Variants in SMOC2 observed in about 807,000 individuals in gnomAD.
SMOC2 encodes the protein SPARC related modular calcium binding 2.
SMOC2 carries 39 observed loss-of-function variants against 61.4 expected under a neutral mutation model. The ratio of observed to expected loss-of-function variants is 0.64; its 90% CI spans 0.49 to 0.83. The LOEUF (loss-of-function observed/expected upper bound fraction) is 0.83. Ranked by LOEUF, SMOC2 falls within the 40% of genes least tolerant of loss-of-function variation. The pLI is 0.00. For synonymous variants in SMOC2, 247 were observed against 239.9 expected, an observed-to-expected ratio of 1.03 and a Z score of -0.27; for missense variants, 556 against 592.9, an observed-to-expected ratio of 0.94 and a Z score of 0.65.
intron 9 of SMOC2, among the ~76,000 whole-genome samples, chr6:168,646,494 G>A (rs552945984): frequency 7.5e-4 from 114 of 152,280 alleles, no homozygotes; most frequent in African/African-American, 2.5e-3. Context: ...GTATTTAAAA[G>A]ACAAAGAGAA....
chr6:168,579,667 A>G (rs542137273), intron 7 of SMOC2, among the ~76,000 whole-genome samples: 1 of 152,204 alleles, frequency 6.6e-6, no homozygotes, highest in East Asian at 1.9e-4. Flanking sequence ...GAACTTCATG[A>G]GTAGCAACCA....
At chr6:168,621,238 T>G (rs1438402011) in intron 9 of SMOC2, among the ~76,000 whole-genome samples, 3 of 152,214 alleles carry the variant, frequency 2.0e-5, no homozygotes, top group African/African-American at 7.2e-5. Context: ...ACTTTAGTGT[T>G]TTGAGTTTCT....
intron 1 of SMOC2, among the ~76,000 whole-genome samples, chr6:168,504,071 C>T (rs1013728507): frequency 1.3e-5 from 2 of 152,078 alleles, no homozygotes; most frequent in African/African-American, 4.8e-5. Flanking sequence ...CAGTGGCATC[C>T]TTTCCGATTT....
intron 9 of SMOC2, among the ~76,000 whole-genome samples, chr6:168,621,786 C>A (rs1223557441): frequency 6.6e-6 from 1 of 152,154 alleles, no homozygotes; most frequent in Non-Finnish European, 1.5e-5. Context: ...GGTCCAGTCA[C>A]CTCCACCTGG....
chr6:168,488,911 T>G (rs888269542), intron 1 of SMOC2, among the ~76,000 whole-genome samples: 7 of 138,124 alleles, frequency 5.1e-5, no homozygotes, highest in African/African-American at 1.3e-4. Context: ...TGTTTTAGAA[T>G]GAAATATATC....
At chr6:168,524,085 C>T (rs887940846) in intron 2 of SMOC2, among the ~76,000 whole-genome samples, 27 of 152,022 alleles carry the variant, frequency 1.8e-4, no homozygotes, top group African/African-American at 5.6e-4. Flanking sequence ...ATTGAGAACA[C>T]ACGGGGGCCA....
intron 11 of SMOC2, among the ~76,000 whole-genome samples, chr6:168,662,091 A>G (rs1787522996): frequency 6.6e-6 from 1 of 152,242 alleles, no homozygotes; most frequent in African/African-American, 2.4e-5. Flanking sequence ...GTGGATAGAA[A>G]TCAACAGTTA....
intron 2 of SMOC2, among the ~76,000 whole-genome samples, chr6:168,519,771 T>A (rs1222238669): frequency 6.6e-6 from 1 of 152,148 alleles, no homozygotes; most frequent in Non-Finnish European, 1.5e-5. Flanking sequence ...TCCATTTCGA[T>A]CTGTTGCAAA....
chr6:168,664,709 G>A, intron 12 of SMOC2: 1 of 470,954 alleles, frequency 2.1e-6, no homozygotes, highest in Non-Finnish European at 4.4e-6. Context: ...TGTGTTTCTG[G>A]CTCTCCCTCT....
chr6:168,645,840 G>T lies in SMOC2; in HGVS notation c.908-4841G>T, dbSNP rs76387531. On this transcript the variant is annotated intron_variant, in intron 9 of 12. Transcript: ENST00000356284. ...TCAGGCCAGCAAAGGCATTCCCGGG[G>T]TCCCTGGCTGGCGAATTGGAGCACA... Among the ~76,000 whole-genome samples the T allele has an allele frequency of 7.0e-4, 106 of 152,296 alleles. 1 individual carries two copies. The East Asian group carries it at 0.02, about 29-fold the overall frequency.
chr6:168,486,738 T>C (rs766017460), intron 1 of SMOC2, among the ~76,000 whole-genome samples: 2 of 151,908 alleles, frequency 1.3e-5, no homozygotes, highest in Non-Finnish European at 2.9e-5. Flanking sequence ...CATTCTATTG[T>C]GGTTCAACGG....
chr6:168,602,940 G>T (rs897052006), intron 8 of SMOC2, among the ~76,000 whole-genome samples: 10 of 152,108 alleles, frequency 6.6e-5, no homozygotes, highest in Non-Finnish European at 1.5e-4. Flanking sequence ...ACAGGGTTTG[G>T]CTGTGTCCCC....
At chr6:168,575,800 C>T (rs895886533) in intron 7 of SMOC2, among the ~76,000 whole-genome samples, 1 of 152,250 alleles carries the variant, frequency 6.6e-6, no homozygotes, top group African/African-American at 2.4e-5. Context: ...GTGGCTGCTC[C>T]AGACTGTCTC....
At chr6:168,474,165 C>G (rs1782028383) in intron 1 of SMOC2, among the ~76,000 whole-genome samples, 1 of 152,056 alleles carries the variant, frequency 6.6e-6, no homozygotes, top group South Asian at 2.1e-4. Flanking sequence ...AGGAAAGCCC[C>G]CTGGGGAAGG....
chr6:168,658,301 C>G (rs1342464517), intron 11 of SMOC2, among the ~76,000 whole-genome samples: 1 of 152,206 alleles, frequency 6.6e-6, no homozygotes, highest in Non-Finnish European at 1.5e-5. Flanking sequence ...TGTGTGGCTC[C>G]TCCTCTGTTA....
chr6:168,568,552 G>A (rs1784597399), intron 7 of SMOC2, among the ~76,000 whole-genome samples: 1 of 152,074 alleles, frequency 6.6e-6, no homozygotes, highest in African/African-American at 2.4e-5. Flanking sequence ...ATAATGACAG[G>A]TACCCCCCAT....
rs184290558 is a variant in SMOC2 at position 168,540,908 on chromosome 6, C to T, written c.464-2717C>T. ...CCCCTCACCCCTCTCACGTCTGTGCCGCAGACCTCCCTCCCCTCACTCACC... is the reference window on the plus strand; with the variant it reads ...CCCCTCACCCCTCTCACGTCTGTGCTGCAGACCTCCCTCCCCTCACTCACC... On this transcript the variant is annotated intron_variant, in intron 4 of 12. Transcript: ENST00000356284. Among the ~76,000 whole-genome samples, 12 of 152,274 alleles carry T rather than the reference C, an allele frequency of 7.9e-5. No homozygotes were observed. The East Asian group carries it at 1.9e-3, about 25-fold the overall frequency.
intron 8 of SMOC2, among the ~76,000 whole-genome samples, chr6:168,604,275 A>G (rs1050552807): frequency 1.3e-5 from 2 of 152,214 alleles, no homozygotes; most frequent in African/African-American, 2.4e-5. Flanking sequence ...AGCAAATTTA[A>G]TTCATGGATC....
chr6:168,645,699 C>CG (rs554340069), intron 9 of SMOC2, among the ~76,000 whole-genome samples: 20 of 152,218 alleles, frequency 1.3e-4, no homozygotes, highest in Non-Finnish European at 2.6e-4. Flanking sequence ...TCAGCAGACA[C>CG]GGCACATGTT....
Sources: gnomAD v4.1 joint callset for allele counts (sites outside exome capture counted in the v4.1 genomes callset) on GRCh38, gnomAD v4.1.1 for gene constraint, MANE v1.5 for transcripts, NCBI Gene and HGNC (gene_info 2026-07-23, HGNC 2026-07-21) for gene names.